The following MMP2 variants were observed in gnomAD, a reference collection of about 807,000 sequenced individuals.
MMP2 encodes the protein 72 kDa type IV collagenase.
A neutral mutation model predicts 74.8 loss-of-function variants in MMP2; 39 were observed. The ratio of observed to expected loss-of-function variants is 0.52; its 90% CI spans 0.40 to 0.68. MMP2 has a LOEUF of 0.68. Among genes scored for constraint, MMP2 ranks in the 30% least tolerant of loss-of-function variants. MMP2 has a pLI of 0.00. For missense variants in MMP2, 803 were observed against 878.3 expected (o/e 0.91, Z 1.08); for synonymous variants, 367 against 339.8 (o/e 1.08, Z -0.88).
At position 55,479,556 on chromosome 16, in the gene MMP2, AC is replaced by A; in HGVS notation, c.78del (p.His26GlnfsTer29). ...ALCLLGCLLS[H>X]AAAAPSPIIK... ...TGTCTCCTGGGCTGCCTGCTGAGCC[AC>A]GCCGCCGCCGCGCCGTCGCCCATCA... is the stretch of plus-strand genomic sequence containing the variant. On this transcript the variant is annotated frameshift_variant, in exon 1 of 13. Coordinates refer to ENST00000219070, the MANE Select transcript of MMP2 (RefSeq NM_004530.6). LOFTEE classifies it high-confidence loss of function. 6.2e-7 allele frequency: 1 copy of A among 1,612,672 alleles called. No individual in the cohort carries two copies.
intron 5 of MMP2, among the ~76,000 whole-genome samples, chr16:55,486,348 T>TGTGCGC (rs1555491719): frequency 3.8e-3 from 20 of 5,244 alleles, no homozygotes; most frequent in African/African-American, 4.6e-3. Flanking sequence ...TGTGTGTGCC[T>TGTGCGC]GTGTGTGTGT....
chr16:55,487,917 A>T (rs1962299462), intron 5 of MMP2: 1 of 153,528 alleles, frequency 6.5e-6, no homozygotes, highest in South Asian at 2.0e-4. Flanking sequence ...CAACAAGGCC[A>T]TCCAGGAAGG....
intron 10 of MMP2, among the ~76,000 whole-genome samples, 166 bp downstream of exon 10, chr16:55,497,228 G>A (rs765685230): frequency 4.6e-5 from 7 of 152,158 alleles, no homozygotes; most frequent in Admixed American, 6.5e-5. Context: ...CCTGAAGTGC[G>A]CAGCTCCTCT....
rs757584642 is a variant in MMP2, at chr16:55,485,663, A to G, written c.718A>G (p.Asn240Asp). ...GEYCKFPFLF[N>D]GKEYNSCTDT... The stretch of plus-strand genomic sequence containing the variant: ...GTACTGCAAGTTCCCCTTCTTGTTC[A>G]ATGGCAAGGAGTACAACAGCTGCAC... The change falls in exon 5 of 13, where the codon AAT becomes GAT. Residue 240 changes from asparagine to aspartate, a missense_variant. Physicochemically the swap from Asn to Asp is conservative, Grantham distance 23. Transcript: ENST00000219070. 2.5e-6 allele frequency: 4 copies of G among 1,614,028 alleles called. No individual in the cohort carries two copies. The highest frequency in any genetic ancestry group is 3.4e-6 in the Non-Finnish European group (4 of 1,180,018).
In MMP2 at chr16:55,496,861, G is replaced by T. The variant is rs552357836; in HGVS notation, c.1473-65G>T. On this transcript the variant is annotated intron_variant, in intron 9 of 12. Transcript: ENST00000219070. ...GATGTTTCTGGGTGGGTTTGGGGGT[G>T]TGTGTGGTTCGAGCTGCAGGGTGAC... is the stretch of plus-strand genomic sequence containing the variant. 5.6e-6 allele frequency: 9 copies of T among 1,603,342 alleles called. No homozygotes were observed. In the African/African-American group the frequency reaches 9.3e-5, roughly 17 times the overall value.
chr16:55,494,503 C>T (rs1055122674), intron 9 of MMP2, among the ~76,000 whole-genome samples: 2 of 152,066 alleles, frequency 1.3e-5, no homozygotes, highest in Admixed American at 6.5e-5. Context: ...ATGATGTTCT[C>T]GGGACAGTGG....
At chr16:55,505,136 T>G (rs368085001) in intron 12 of MMP2, among the ~76,000 whole-genome samples, 1 of 151,804 alleles carries the variant, frequency 6.6e-6, no homozygotes, top group Non-Finnish European at 1.5e-5. Context: ...ATGTTTTTCG[T>G]AGAAATGGGG....
At chr16:55,498,503 A>G (rs1962587922) in intron 11 of MMP2, 55 bp downstream of exon 11, 1 of 1,612,498 alleles carries the variant, frequency 6.2e-7, no homozygotes, top group African/African-American at 1.3e-5. Flanking sequence ...GAGACAGAGA[A>G]GCCGCCCTGA....
At position 55,479,441 on chromosome 16, in the gene MMP2, G is replaced by C. The variant is rs760248302; in HGVS notation, c.-39G>C. ...CGAGGCGGCCACACGCACCGAGCCA[G>C]CGACCCCCGGGCGACGCGCGGGGCC... On this transcript the variant is annotated 5_prime_UTR_variant, in exon 1 of 13. Transcript: ENST00000219070. The C allele has an allele frequency of 6.9e-7, 1 of 1,447,058 alleles. No individual in the cohort carries two copies. Among genetic ancestry groups the C allele is most frequent in the East Asian group, 2.7e-5 (1 of 36,368 alleles). 89.6% of individuals were successfully genotyped at this position (1,447,058 alleles called of 1,614,324 possible).
At chr16:55,504,416 T>C (rs1400041317) in intron 12 of MMP2, among the ~76,000 whole-genome samples, 1 of 152,094 alleles carries the variant, frequency 6.6e-6, no homozygotes, top group Admixed American at 6.5e-5. Flanking sequence ...TTGTGTTAAG[T>C]GGAGTTATTG....
intron 3 of MMP2, 137 bp downstream of exon 3, chr16:55,484,301 G>T (rs1962185823): frequency 9.9e-7 from 1 of 1,011,832 alleles, no homozygotes; most frequent in Non-Finnish European, 1.5e-6. Flanking sequence ...CCTGGGGGTG[G>T]TTTAGATGGG....
Position 55,491,829 on chromosome 16 carries a change from C to T in MMP2, c.1209C>T (p.His403=), listed in dbSNP as rs200422763. 1.4e-4 allele frequency: 224 copies of T among 1,614,092 alleles called. No individual in the cohort carries two copies. Among genetic ancestry groups the T allele is most frequent in the South Asian group, 1.6e-4 (15 of 91,088 alleles). Residue 403 remains histidine, a synonymous_variant, in exon 8 of 13, where the codon CAC becomes CAT. Coordinates refer to ENST00000219070, the MANE Select transcript of MMP2 (RefSeq NM_004530.6). ...ACAGCCTGTTCCTCGTGGCAGCCCACGAGTTTGGCCACGCCATGGGGCTGG... is the reference window on the plus strand; with the variant it reads ...ACAGCCTGTTCCTCGTGGCAGCCCATGAGTTTGGCCACGCCATGGGGCTGG... ...QGYSLFLVAA[H]EFGHAMGLEH...
At chr16:55,490,606 T>A (rs1567377271) in intron 7 of MMP2, among the ~76,000 whole-genome samples, 5 of 152,182 alleles carry the variant, frequency 3.3e-5, no homozygotes. Context: ...TGATGGCCCA[T>A]AATGGCCAGG....
At position 55,491,890 on chromosome 16, in the gene MMP2, A is replaced by G. The variant is rs1258000020; in HGVS notation, c.1270A>G (p.Ile424Val). Reference sequence around the variant, plus strand: ...AGACCCTGGGGCCCTGATGGCACCCATTTACACCTACACCAAGAACTTCCG... The same window carrying G: ...AGACCCTGGGGCCCTGATGGCACCCGTTTACACCTACACCAAGAACTTCCG... ...SQDPGALMAP[I>V]YTYTKNFRLS... is the part of the protein sequence containing the mutation. The change falls in exon 8 of 13, where the codon ATT (isoleucine) becomes GTT (valine). Residue 424 changes from isoleucine to valine, a missense_variant. By Grantham distance (29) the Ile-to-Val change is conservative. Transcript: ENST00000219070. 8 of 1,610,600 alleles carry G rather than the reference A, an allele frequency of 5.0e-6. No homozygotes were observed. The African/African-American group carries it at 6.7e-5, about 13-fold the overall frequency.
chr16:55,503,956 C>T (rs1257627325), intron 12 of MMP2, among the ~76,000 whole-genome samples: 1 of 152,128 alleles, frequency 6.6e-6, no homozygotes, highest in East Asian at 1.9e-4. Flanking sequence ...AGTTTGAGAC[C>T]AGCCTGGGCA....
chr16:55,504,819 A>T (rs1962756666), intron 12 of MMP2, among the ~76,000 whole-genome samples: 1 of 151,502 alleles, frequency 6.6e-6, no homozygotes, highest in African/African-American at 2.4e-5. Context: ...CGCCCGGCTA[A>T]TTTTTTGTAT....
intron 11 of MMP2, among the ~76,000 whole-genome samples, chr16:55,500,237 G>GCA (rs71149618): frequency 0.019 from 2,817 of 150,396 alleles, 62 homozygotes; most frequent in Admixed American, 0.059. Flanking sequence ...GCACGCACAC[G>GCA]CACACACACA....
intron 11 of MMP2, among the ~76,000 whole-genome samples, chr16:55,500,088 G>A (rs1395399368): frequency 6.6e-6 from 1 of 151,970 alleles, no homozygotes; most frequent in Non-Finnish European, 1.5e-5. Context: ...TGTCAGGGTG[G>A]AATTCCAGAC....
Position 55,498,292 on chromosome 16 carries a change from A to G in MMP2, c.1613A>G (p.Asn538Ser), listed in dbSNP as rs773123311. The G allele has an allele frequency of 4.6e-5, 75 of 1,614,026 alleles. No individual in the cohort carries two copies. The Admixed American group carries it at 4.7e-4, about 10-fold the overall frequency. Residue 538 changes from asparagine (N) to serine (S), a missense_variant, in exon 11 of 13, where the codon AAT (asparagine) becomes AGT (serine). Asn to Ser is a conservative substitution (Grantham distance 46). This residue lies in a region of MMP2 where 555 missense variants were observed against 592.0 expected (regional missense o/e 0.94). Coordinates refer to ENST00000219070, the MANE Select transcript of MMP2 (RefSeq NM_004530.6). ...ACACCCTTTGCTTCCACCCCAGGGA[A>G]TGAATACTGGATCTACTCAGCCAGC... ...QEEKAVFFAG[N>S]EYWIYSASTL...
Sources: gnomAD v4.1 joint callset for allele counts (sites outside exome capture counted in the v4.1 genomes callset) on GRCh38, gnomAD v4.1.1 for gene constraint, gnomAD v4.1.1 regional missense constraint, MANE v1.5 for transcripts, NCBI Gene and HGNC (gene_info 2026-07-23, HGNC 2026-07-21) for gene names.